The following TRABD2B variants were observed in gnomAD, a reference collection of about 807,000 sequenced individuals.
TRABD2B encodes the protein metalloprotease TIKI2.
A neutral mutation model predicts 40.1 loss-of-function variants in TRABD2B; 14 were observed. The ratio of observed to expected loss-of-function variants is 0.35; its 90% CI spans 0.23 to 0.55. The LOEUF is 0.55. TRABD2B is among the 20% of genes least tolerant of loss of function. The pLI, the probability that TRABD2B is intolerant of heterozygous loss-of-function variation, is 0.90. For synonymous variants in TRABD2B, 263 were observed against 277.0 expected, an observed-to-expected ratio of 0.95 and a Z score of 0.50; for missense variants, 541 against 648.6, an observed-to-expected ratio of 0.83 and a Z score of 1.80.
chr1:47,815,505 C>T (rs1645019078), intron 2 of TRABD2B, among the ~76,000 whole-genome samples: 1 of 152,174 alleles, frequency 6.6e-6, no homozygotes, highest in Non-Finnish European at 1.5e-5. Flanking sequence ...CCAGCATGGA[C>T]CTGCCACCAG....
chr1:47,849,361 A>T (rs757674103), intron 2 of TRABD2B, among the ~76,000 whole-genome samples: 8 of 152,216 alleles, frequency 5.3e-5, no homozygotes, highest in Middle Eastern at 3.2e-3. Context: ...TGAACGAAGG[A>T]GGAAGGCCCC....
At chr1:47,907,312 G>C (rs1392911371) in intron 2 of TRABD2B, among the ~76,000 whole-genome samples, 1 of 152,180 alleles carries the variant, frequency 6.6e-6, no homozygotes, top group African/African-American at 2.4e-5. Context: ...TGGTTTTCTA[G>C]CTCTCCTCAA....
intron 2 of TRABD2B, among the ~76,000 whole-genome samples, chr1:47,948,532 A>G (rs1234664619): frequency 3.3e-5 from 5 of 152,202 alleles, no homozygotes; most frequent in African/African-American, 7.2e-5. Flanking sequence ...TCGAATGTCT[A>G]GACCTCCCTA....
Position 47,821,617 on chromosome 1 carries a change from T to C in TRABD2B, c.667-19998A>G, listed in dbSNP as rs541149296. 7.2e-5 allele frequency among the ~76,000 whole-genome samples: 11 copies of C among 152,118 alleles called. No homozygotes were observed. In the East Asian group the frequency reaches 2.1e-3, roughly 29 times the overall value. On this transcript the variant is annotated intron_variant, in intron 2 of 6. Transcript: ENST00000606738. ...TCCCCAAAGCAGCCTGCCACATCCTTGGACCACTCCCACATCTAGAATGCT... is the reference window on the plus strand; with the variant it reads ...TCCCCAAAGCAGCCTGCCACATCCTCGGACCACTCCCACATCTAGAATGCT...
At chr1:47,888,959 C>G (rs1026282347) in intron 2 of TRABD2B, among the ~76,000 whole-genome samples, 2 of 152,170 alleles carry the variant, frequency 1.3e-5, no homozygotes, top group African/African-American at 4.8e-5. Flanking sequence ...GCCTGTGGCC[C>G]GCGCTCCCCA....
At chr1:47,907,032 C>T (rs894458661) in intron 2 of TRABD2B, among the ~76,000 whole-genome samples, 2 of 152,200 alleles carry the variant, frequency 1.3e-5, no homozygotes, top group Non-Finnish European at 2.9e-5. Context: ...TGACAGGCAG[C>T]CCGTGCGAGC....
rs1644798673 is a variant in TRABD2B, at chr1:47,914,161, T to A, written c.666+79873A>T. 3.3e-5 allele frequency among the ~76,000 whole-genome samples: 5 copies of A among 152,236 alleles called. No individual in the cohort carries two copies. In the South Asian group the frequency reaches 1.0e-3, roughly 32 times the overall value. On this transcript the variant is annotated intron_variant, in intron 2 of 6. Transcript: ENST00000606738. The stretch of plus-strand genomic sequence containing the variant: ...GCAAATTATCCACCTTTGAAATCAA[T>A]TCCAGCACCTGGCAGGTGACGTCGT...
chr1:47,780,082 C>T (rs1228050489), intron 4 of TRABD2B, among the ~76,000 whole-genome samples: 1 of 152,188 alleles, frequency 6.6e-6, no homozygotes, highest in Non-Finnish European at 1.5e-5. Flanking sequence ...CTGACCATGC[C>T]CTGCCAGAGC....
intron 2 of TRABD2B, among the ~76,000 whole-genome samples, chr1:47,977,553 T>G (rs1226838326): frequency 2.0e-5 from 3 of 151,848 alleles, no homozygotes; most frequent in Non-Finnish European, 4.4e-5. Context: ...TTTATATACG[T>G]GAAGACTGAG....
intron 2 of TRABD2B, among the ~76,000 whole-genome samples, chr1:47,876,724 G>A (rs968841656): frequency 1.3e-5 from 2 of 152,242 alleles, no homozygotes; most frequent in African/African-American, 2.4e-5. Flanking sequence ...CCGGGAGGGA[G>A]TGAGTGCTGC....
At chr1:47,970,152 A>T (rs572750648) in intron 2 of TRABD2B, among the ~76,000 whole-genome samples, 1 of 152,156 alleles carries the variant, frequency 6.6e-6, no homozygotes, top group East Asian at 1.9e-4. Context: ...CCTTGTTATC[A>T]AGTGCCTGGA....
intron 2 of TRABD2B, among the ~76,000 whole-genome samples, chr1:47,943,887 A>T (rs1289413288): frequency 2.6e-5 from 4 of 152,156 alleles, no homozygotes; most frequent in Admixed American, 2.6e-4. Flanking sequence ...AGCATTTACC[A>T]CACACCTACT....
chr1:47,846,246 C>T (rs1429098760), intron 2 of TRABD2B, among the ~76,000 whole-genome samples: 1 of 152,244 alleles, frequency 6.6e-6, no homozygotes, highest in Non-Finnish European at 1.5e-5. Flanking sequence ...AGTGGCTTTT[C>T]TTTCCAAGGG....
intron 2 of TRABD2B, among the ~76,000 whole-genome samples, chr1:47,953,064 G>T (rs1557677097): frequency 1.3e-5 from 2 of 151,976 alleles, no homozygotes; most frequent in Admixed American, 1.3e-4. Context: ...ACCATTAGGG[G>T]AACATTTGCT....
chr1:47,877,720 G>C (rs1644244559), intron 2 of TRABD2B, among the ~76,000 whole-genome samples: 1 of 152,150 alleles, frequency 6.6e-6, no homozygotes, highest in Admixed American at 6.5e-5. Context: ...ATAGAGAAGT[G>C]ATTTTAAAAA....
chr1:47,911,622 G>C (rs1427946469), intron 2 of TRABD2B, among the ~76,000 whole-genome samples: 3 of 152,192 alleles, frequency 2.0e-5, no homozygotes, highest in Admixed American at 2.0e-4. Context: ...ACATGGTCCT[G>C]CTCCAGGAGG....
At chr1:47,975,753 G>C (rs1344031079) in intron 2 of TRABD2B, among the ~76,000 whole-genome samples, 1 of 152,174 alleles carries the variant, frequency 6.6e-6, no homozygotes, top group East Asian at 1.9e-4. Flanking sequence ...CTTCTAAGGG[G>C]TCAAATGAAG....
intron 2 of TRABD2B, among the ~76,000 whole-genome samples, chr1:47,908,840 C>T (rs1292248732): frequency 6.6e-6 from 1 of 152,224 alleles, no homozygotes; most frequent in Admixed American, 6.5e-5. Context: ...AACACCTGCC[C>T]CTGAGGCCCT....
chr1:47,987,898 A>G (rs530096818), intron 2 of TRABD2B, among the ~76,000 whole-genome samples: 1 of 152,110 alleles, frequency 6.6e-6, no homozygotes, highest in Non-Finnish European at 1.5e-5. Context: ...CTGGAGGTAT[A>G]TGGTATAGGC....
Sources: gnomAD v4.1 joint callset for allele counts (sites outside exome capture counted in the v4.1 genomes callset) on GRCh38, gnomAD v4.1.1 for gene constraint, MANE v1.5 for transcripts, NCBI Gene and HGNC (gene_info 2026-07-23, HGNC 2026-07-21) for gene names.